SLC16A7: variants seen among roughly 807,000 people sequenced by gnomAD.
SLC16A7 encodes the protein solute carrier family 16 member 7.
SLC16A7 carries 33 observed loss-of-function variants against 34.9 expected under a neutral mutation model. That is an observed-to-expected ratio of 0.94 (90% CI 0.72 to 1.26). The LOEUF (loss-of-function observed/expected upper bound fraction) is 1.26. Ranked by LOEUF, SLC16A7 falls within the 50% of genes most tolerant of loss-of-function variation. The pLI is 0.00. For missense variants in SLC16A7, 573 were observed against 578.1 expected (o/e 0.99, Z 0.09); for synonymous variants, 201 against 206.6 (o/e 0.97, Z 0.23).
At chr12:59,778,368 A>G (rs917796033) in intron 5 of SLC16A7, among the ~76,000 whole-genome samples, 17 of 152,142 alleles carry the variant, frequency 1.1e-4, no homozygotes, top group African/African-American at 3.9e-4. Flanking sequence ...TAGGTAATAT[A>G]TTACAAGTAG....
chr12:59,732,490 T>G (rs926117979), intron 3 of SLC16A7, among the ~76,000 whole-genome samples: 2 of 152,232 alleles, frequency 1.3e-5, no homozygotes, highest in African/African-American at 2.4e-5. Context: ...CTTTTTGGCT[T>G]CTAAAGGAAA....
chr12:59,628,792 T>C (rs1312410117), intron 1 of SLC16A7, among the ~76,000 whole-genome samples: 1 of 151,888 alleles, frequency 6.6e-6, no homozygotes, highest in African/African-American at 2.4e-5. Flanking sequence ...AGCCTTTGAA[T>C]TGAATTTTCC....
intron 1 of SLC16A7, among the ~76,000 whole-genome samples, chr12:59,624,189 C>T (rs534357853): frequency 6.6e-5 from 10 of 151,640 alleles, no homozygotes; most frequent in Non-Finnish European, 1.5e-4. Context: ...TCTAAACTTA[C>T]CTACATGAAT....
At chr12:59,602,594 C>T (rs1429309168) in intron 1 of SLC16A7, among the ~76,000 whole-genome samples, 1 of 150,770 alleles carries the variant, frequency 6.6e-6, no homozygotes, top group African/African-American at 2.4e-5. Flanking sequence ...AGTGATTCTC[C>T]TGCCCCAGCC....
At chr12:59,603,246 A>T (rs1226704804) in intron 1 of SLC16A7, among the ~76,000 whole-genome samples, 2 of 152,164 alleles carry the variant, frequency 1.3e-5, no homozygotes, top group Non-Finnish European at 2.9e-5. Context: ...AATTCTGTAC[A>T]TGGTATCAGA....
chr12:59,644,023 G>T (rs1880798870), intron 1 of SLC16A7, among the ~76,000 whole-genome samples: 2 of 152,110 alleles, frequency 1.3e-5, no homozygotes, highest in Admixed American at 1.3e-4. Context: ...GCATATGGCA[G>T]ATTTTGAATC....
intron 1 of SLC16A7, among the ~76,000 whole-genome samples, chr12:59,630,713 T>C (rs1366998873): frequency 6.6e-6 from 1 of 151,918 alleles, no homozygotes; most frequent in African/African-American, 2.4e-5. Context: ...GCATCAAATT[T>C]CTAATAGAGT....
At chr12:59,761,125 G>T in intron 3 of SLC16A7, 1 of 1,271,920 alleles carries the variant, frequency 7.9e-7, no homozygotes. Context: ...GTGTTTACAG[G>T]TAGAATATTT....
At chr12:59,642,027 A>G (rs1462120185) in intron 1 of SLC16A7, among the ~76,000 whole-genome samples, 1 of 152,086 alleles carries the variant, frequency 6.6e-6, no homozygotes, top group Non-Finnish European at 1.5e-5. Context: ...CAAAAAAAGT[A>G]TCAATTTAAA....
chr12:59,650,267 A>G (rs965673831), intron 1 of SLC16A7, among the ~76,000 whole-genome samples: 11 of 152,098 alleles, frequency 7.2e-5, no homozygotes, highest in Non-Finnish European at 1.3e-4. Context: ...TAAAGGAGAT[A>G]TGGTATTATG....
At chr12:59,744,038 C>CA (rs982583786) in intron 3 of SLC16A7, among the ~76,000 whole-genome samples, 2 of 151,916 alleles carry the variant, frequency 1.3e-5, no homozygotes, top group Non-Finnish European at 2.9e-5. Flanking sequence ...ATATGAGAAA[C>CA]AAAAAAAGAT....
intron 3 of SLC16A7, chr12:59,761,040 A>G (rs1880960728): frequency 3.8e-6 from 2 of 531,940 alleles, no homozygotes; most frequent in South Asian, 3.5e-5. Context: ...CTAGTCTTCA[A>G]ATACTTTAAA....
At chr12:59,731,127 A>C (rs1876903459) in intron 3 of SLC16A7, among the ~76,000 whole-genome samples, 1 of 152,224 alleles carries the variant, frequency 6.6e-6, no homozygotes, top group Admixed American at 6.5e-5. Context: ...TAATAAAATT[A>C]AATGTAAAAT....
chr12:59,745,335 C>A (rs1358556861), intron 3 of SLC16A7, among the ~76,000 whole-genome samples: 1 of 152,170 alleles, frequency 6.6e-6, no homozygotes, highest in South Asian at 2.1e-4. Flanking sequence ...AGGTCATTGT[C>A]ACTGGCATAG....
rs574624429 is a variant in SLC16A7, at chr12:59,597,396, C to T, written c.-130+1160C>T. On this transcript the variant is annotated intron_variant, in intron 1 of 5. Coordinates refer to ENST00000547379, the MANE Select transcript of SLC16A7 (RefSeq NM_001270623.2). ...GAGATGCGGCAGAGGAATAAAATAG[C>T]GGACAATGATGAAAGTGATGGGAAA... Among the ~76,000 whole-genome samples the T allele has an allele frequency of 3.9e-5, 6 of 152,166 alleles. No individual in the cohort carries two copies. The South Asian group carries it at 1.2e-3, about 32-fold the overall frequency.
intron 1 of SLC16A7, among the ~76,000 whole-genome samples, chr12:59,602,282 T>TA (rs1305440145): frequency 1.3e-5 from 2 of 152,150 alleles, no homozygotes; most frequent in African/African-American, 4.8e-5. Context: ...ATTGACCTCC[T>TA]AGCCTCCAAA....
intron 1 of SLC16A7, among the ~76,000 whole-genome samples, chr12:59,641,224 A>G (rs1214427236): frequency 6.6e-6 from 1 of 152,000 alleles, no homozygotes; most frequent in African/African-American, 2.4e-5. Context: ...TAAAGAACCA[A>G]TTTCCACCAT....
At chr12:59,684,674 G>T (rs572108239) in intron 2 of SLC16A7, among the ~76,000 whole-genome samples, 2 of 152,204 alleles carry the variant, frequency 1.3e-5, no homozygotes, top group East Asian at 3.9e-4. Flanking sequence ...GTGGAACCCA[G>T]TCAGGCAGGG....
At position 59,624,738 on chromosome 12, in the gene SLC16A7, T is replaced by G. The variant is rs894972654; in HGVS notation, c.-130+28502T>G. On this transcript the variant is annotated intron_variant, in intron 1 of 5. Transcript: ENST00000547379. ...CAGACTTGTTTCTTTGCATTGTTAGTTGTGTGTGTGTGTGTGTGTGTGTGT... is the reference window on the plus strand; with the variant it reads ...CAGACTTGTTTCTTTGCATTGTTAGGTGTGTGTGTGTGTGTGTGTGTGTGT... Among the ~76,000 whole-genome samples the G allele has an allele frequency of 1.3e-4, 19 of 145,372 alleles. No homozygotes were observed. The East Asian group carries it at 3.2e-3, about 25-fold the overall frequency.
Sources: allele counts gnomAD v4.1 joint callset (sites outside exome capture counted in the v4.1 genomes callset), GRCh38; gene constraint gnomAD v4.1.1; transcripts MANE v1.5; gene names NCBI Gene and HGNC (gene_info 2026-07-23, HGNC 2026-07-21).